The following FAM107B variants were observed in gnomAD, a reference collection of about 807,000 sequenced individuals.
FAM107B encodes the protein family with sequence similarity 107 member B, also known as protein FAM107B.
FAM107B carries 21 observed loss-of-function variants against 31.5 expected under a neutral mutation model. The observed-to-expected ratio is 0.67, with a 90% CI of 0.47 to 0.96. The LOEUF is 0.96. Ranked by LOEUF, FAM107B falls within the 40% of genes least tolerant of loss-of-function variation. The pLI is 0.00. For synonymous variants in FAM107B, 157 were observed against 141.5 expected, an observed-to-expected ratio of 1.11 and a Z score of -0.78; for missense variants, 452 against 377.1, an observed-to-expected ratio of 1.20 and a Z score of -1.64.
In FAM107B at chr10:14,718,026, G is replaced by A. The variant is rs571418669; in HGVS notation, c.412-50335C>T. On this transcript the variant is annotated intron_variant, in intron 1 of 4. Transcript: ENST00000181796. Reference sequence around the variant, plus strand: ...GTTCTTGGTTCCTGGGGGTCCAGGAGAAGAAATATATTGAATCTCACCAGG... The same window carrying A: ...GTTCTTGGTTCCTGGGGGTCCAGGAAAAGAAATATATTGAATCTCACCAGG... Among the ~76,000 whole-genome samples, 8 of 152,158 alleles carry A rather than the reference G, an allele frequency of 5.3e-5. No individual in the cohort carries two copies. In the South Asian group the frequency reaches 1.7e-3, roughly 32 times the overall value.
At chr10:14,669,811 A>G (rs1854499540) in intron 1 of FAM107B, among the ~76,000 whole-genome samples, 1 of 152,230 alleles carries the variant, frequency 6.6e-6, no homozygotes, top group African/African-American at 2.4e-5. Flanking sequence ...GAGGTTGGTT[A>G]ATGGTTACAA....
chr10:14,557,923 G>T (rs78351892), intron 2 of FAM107B, among the ~76,000 whole-genome samples: 4 of 152,256 alleles, frequency 2.6e-5, no homozygotes, highest in African/African-American at 9.6e-5. Flanking sequence ...GAGCCCACAG[G>T]CTAGGAGGCA....
chr10:14,722,035 G>C (rs1297097334), intron 1 of FAM107B, among the ~76,000 whole-genome samples: 1 of 152,062 alleles, frequency 6.6e-6, no homozygotes, highest in African/African-American at 2.4e-5. Flanking sequence ...TATTAAATAG[G>C]GAATATAAAG....
At chr10:14,762,368 T>C (rs78287275) in intron 1 of FAM107B, among the ~76,000 whole-genome samples, 5,316 of 152,270 alleles carry the variant, frequency 0.035, 298 homozygotes, top group African/African-American at 0.12. Flanking sequence ...GGGGCTACAG[T>C]GTTTCACAGG....
intron 1 of FAM107B, chr10:14,723,683 T>A: frequency 2.7e-6 from 2 of 751,068 alleles, no homozygotes; most frequent in African/African-American, 1.7e-5. Context: ...CTGGGGTCAG[T>A]AACCACAAGA....
At chr10:14,671,891 A>C (rs11259254) in intron 1 of FAM107B, among the ~76,000 whole-genome samples, 2 of 149,262 alleles carry the variant, frequency 1.3e-5, no homozygotes, top group Non-Finnish European at 3.0e-5. Flanking sequence ...AAAACAAAAA[A>C]ACAAAAAAAA....
chr10:14,523,165 C>T (rs974953479), intron 3 of FAM107B, among the ~76,000 whole-genome samples: 2 of 152,232 alleles, frequency 1.3e-5, no homozygotes, highest in Non-Finnish European at 2.9e-5. Flanking sequence ...TTTGCCTTTT[C>T]TATTTCCTTA....
intron 2 of FAM107B, among the ~76,000 whole-genome samples, chr10:14,587,083 C>T (rs1355370162): frequency 1.3e-5 from 2 of 152,182 alleles, no homozygotes; most frequent in Non-Finnish European, 2.9e-5. Flanking sequence ...TCTGTTCACA[C>T]CTGTGTACAG....
At chr10:14,758,330 C>G (rs1461099363) in intron 1 of FAM107B, among the ~76,000 whole-genome samples, 1 of 152,130 alleles carries the variant, frequency 6.6e-6, no homozygotes, top group African/African-American at 2.4e-5. Flanking sequence ...TATTTCATTG[C>G]CTATTTCACG....
chr10:14,603,852 G>A (rs1417498545), intron 2 of FAM107B, among the ~76,000 whole-genome samples: 1 of 151,632 alleles, frequency 6.6e-6, no homozygotes, highest in African/African-American at 2.4e-5. Flanking sequence ...CGGGCGCCGC[G>A]GGGCGAGGGG....
intron 1 of FAM107B, among the ~76,000 whole-genome samples, chr10:14,768,645 T>C (rs965141966): frequency 6.6e-6 from 1 of 152,246 alleles, no homozygotes; most frequent in Non-Finnish European, 1.5e-5. Flanking sequence ...CAGAATTATA[T>C]ACTTTAAAAC....
chr10:14,562,044 C>T (rs80349372), intron 2 of FAM107B, among the ~76,000 whole-genome samples: 13,728 of 152,160 alleles, frequency 0.09, 795 homozygotes, highest in East Asian at 0.24. Context: ...CCTTGGCCTC[C>T]CAAAGTGGTA....
chr10:14,603,792 G>C (rs2131378498), intron 2 of FAM107B, among the ~76,000 whole-genome samples: 1 of 151,976 alleles, frequency 6.6e-6, no homozygotes, highest in East Asian at 1.9e-4. Flanking sequence ...CCCGGCCCCG[G>C]CTTTGTCTGC....
chr10:14,732,201 G>A (rs986268159), intron 1 of FAM107B, among the ~76,000 whole-genome samples: 2 of 151,972 alleles, frequency 1.3e-5, no homozygotes, highest in African/African-American at 4.8e-5. Flanking sequence ...TTCTTACAAC[G>A]GCTATCTCTC....
At chr10:14,692,470 T>G (rs1855162040) in intron 1 of FAM107B, among the ~76,000 whole-genome samples, 1 of 152,308 alleles carries the variant, frequency 6.6e-6, no homozygotes, top group Middle Eastern at 3.4e-3. Context: ...AGGAGGGTTT[T>G]TATCAGTGGC....
At chr10:14,700,094 G>A (rs1855359631) in intron 1 of FAM107B, among the ~76,000 whole-genome samples, 2 of 152,006 alleles carry the variant, frequency 1.3e-5, no homozygotes, top group Non-Finnish European at 2.9e-5. Context: ...CACCACACCT[G>A]GCTAATTTTC....
At chr10:14,631,556 TG>T (rs1178445820) in intron 2 of FAM107B, among the ~76,000 whole-genome samples, 1 of 152,164 alleles carries the variant, frequency 6.6e-6, no homozygotes, top group Non-Finnish European at 1.5e-5. Flanking sequence ...TTTTCCTGCC[TG>T]ATTGATTTCT....
chr10:14,540,511 G>A (rs577777834), intron 2 of FAM107B, among the ~76,000 whole-genome samples: 4 of 152,274 alleles, frequency 2.6e-5, no homozygotes, highest in South Asian at 2.1e-4. Context: ...TTGCTGATGC[G>A]AAGGCAGCCC....
intron 1 of FAM107B, among the ~76,000 whole-genome samples, chr10:14,682,216 T>C (rs1415366321): frequency 1.3e-5 from 2 of 152,178 alleles, no homozygotes; most frequent in Admixed American, 6.5e-5. Flanking sequence ...CACAAATGTT[T>C]AGGATGAACA....
Sources: allele counts gnomAD v4.1 joint callset (sites outside exome capture counted in the v4.1 genomes callset), GRCh38; gene constraint gnomAD v4.1.1; transcripts MANE v1.5; gene names NCBI Gene and HGNC (gene_info 2026-07-23, HGNC 2026-07-21).